Variants in AGPAT4 observed in about 807,000 individuals in gnomAD.
AGPAT4 encodes 1-acyl-sn-glycerol-3-phosphate acyltransferase delta.
Under a neutral mutation model 48.0 loss-of-function variants are expected in AGPAT4, and 15 were observed. That is an observed-to-expected ratio of 0.31 (90% CI 0.21 to 0.48). The LOEUF is 0.48. Ranked by LOEUF, AGPAT4 falls within the 20% of genes least tolerant of loss-of-function variation. The pLI, the probability that AGPAT4 is intolerant of heterozygous loss-of-function variation, is 0.99. For missense variants in AGPAT4, 314 were observed against 482.5 expected, an observed-to-expected ratio of 0.65 and a Z score of 3.27; for synonymous variants, 178 against 198.7, an observed-to-expected ratio of 0.90 and a Z score of 0.88.
intron 2 of AGPAT4, among the ~76,000 whole-genome samples, chr6:161,183,886 G>A (rs1780686682): frequency 6.6e-6 from 1 of 151,516 alleles, no homozygotes. Flanking sequence ...CATATTCAAG[G>A]ACAGCAAGGA....
intron 1 of AGPAT4, among the ~76,000 whole-genome samples, chr6:161,271,921 CT>C (rs1219166592): frequency 3.3e-5 from 5 of 152,214 alleles, no homozygotes; most frequent in African/African-American, 1.2e-4. Flanking sequence ...AGCCTGGCTG[CT>C]TTTCAGAATT....
At position 161,232,442 on chromosome 6, in the gene AGPAT4, T is replaced by C. The variant is rs1393922909; in HGVS notation, c.-89-140A>G. The C allele has an allele frequency of 2.0e-6, 1 of 509,136 alleles. No homozygotes were observed. Among genetic ancestry groups the C allele is most frequent in the African/African-American group, 1.9e-5 (1 of 52,238 alleles). The allele number at this position is 509,136 out of a possible 1,614,324, so 31.5% of individuals were successfully genotyped here. A position where few individuals can be genotyped will look rare whatever the true frequency, so the allele number is the denominator to read the frequency against. ...TTGATTTATCTTTATTTTGCAAACATTGATGTAGTGCTTACTTCCTGTCGA... is the reference window on the plus strand; with the variant it reads ...TTGATTTATCTTTATTTTGCAAACACTGATGTAGTGCTTACTTCCTGTCGA... On this transcript the variant is annotated intron_variant, in intron 1 of 8. Transcript: ENST00000320285. The surrounding 1 kb of genome is among the most constrained non-coding windows in gnomAD (Gnocchi z 6.8).
chr6:161,228,661 T>TAAAAAAAACAAAAAAAAAA (rs1782046586), intron 2 of AGPAT4, among the ~76,000 whole-genome samples: 1 of 84,090 alleles, frequency 1.2e-5, no homozygotes, highest in African/African-American at 5.6e-5. Context: ...GTCAGAGAGG[T>TAAAAAAAACAAAAAAAAAA]AAAAAAAAAA....
rs1051727068 is a variant in AGPAT4 at position 161,134,034 on chromosome 6, C to G, written c.*2506G>C. On this transcript the variant is annotated 3_prime_UTR_variant, in exon 9 of 9. Transcript: ENST00000320285. ...TCCGTCCAGGAGTACCCGTGGTTGTCTGTGTCATTAAGGGCGCAGGGTGTA... is the reference window on the plus strand; with the variant it reads ...TCCGTCCAGGAGTACCCGTGGTTGTGTGTGTCATTAAGGGCGCAGGGTGTA... The G allele has an allele frequency of 7.9e-5, 12 of 152,208 alleles. No homozygotes were observed. Among genetic ancestry groups the G allele is most frequent in the African/African-American group, 2.7e-4 (11 of 41,424 alleles). 9.4% of individuals were successfully genotyped at this position (152,208 alleles called of 1,614,324 possible).
rs1050242659 is a variant in AGPAT4 at position 161,137,866 on chromosome 6, C to G, written c.1043-1232G>C. Among the ~76,000 whole-genome samples the G allele has an allele frequency of 1.3e-5, 2 of 151,800 alleles. No individual in the cohort carries two copies. The highest frequency in any genetic ancestry group is 1.3e-4 in the Admixed American group (2 of 15,260). ...CCCCTCAGATGCTCCTGAAGACTCCCTGTGTCCATACTGCACCCCTCAGAT... is the reference window on the plus strand; with the variant it reads ...CCCCTCAGATGCTCCTGAAGACTCCGTGTGTCCATACTGCACCCCTCAGAT... On this transcript the variant is annotated intron_variant, in intron 8 of 8. Transcript: ENST00000320285. The surrounding 1 kb of genome is among the most constrained non-coding windows in gnomAD (Gnocchi z 6.1).
At chr6:161,258,663 A>G (rs1244764737) in intron 1 of AGPAT4, among the ~76,000 whole-genome samples, 1 of 151,382 alleles carries the variant, frequency 6.6e-6, no homozygotes, top group Non-Finnish European at 1.5e-5. Context: ...TCCCCACCCC[A>G]CTCCCCGCAA....
intron 3 of AGPAT4, among the ~76,000 whole-genome samples, chr6:161,163,349 T>A (rs1312248742): frequency 6.6e-6 from 1 of 152,138 alleles, no homozygotes; most frequent in East Asian, 1.9e-4. Flanking sequence ...TCCAGAAGGA[T>A]CCCAACATCA....
In AGPAT4 at chr6:161,131,040, T is replaced by TTAAC. The variant is rs1389531955; in HGVS notation, c.*5496_*5499dup. On this transcript the variant is annotated 3_prime_UTR_variant, in exon 9 of 9. Transcript: ENST00000320285. Reference sequence around the variant, plus strand: ...GCAAAGGAATTATTATGCAGCAATCTTAACTTTGTGTACATACCACTCACC... The same window carrying TTAAC: ...GCAAAGGAATTATTATGCAGCAATCTTAACTAACTTTGTGTACATACCACTCACC... The TTAAC allele has an allele frequency of 2.1e-5, 8 of 384,504 alleles. No homozygotes were observed. Among genetic ancestry groups the TTAAC allele is most frequent in the African/African-American group, 8.1e-5 (4 of 49,194 alleles). The allele number at this position is 384,504 out of a possible 1,614,324, so 23.8% of individuals were successfully genotyped here.
chr6:161,134,522 C>A lies in AGPAT4; in HGVS notation c.*2018G>T, dbSNP rs1779003401. ...TGCTTTAGGATTCTTAAAGTGTGCT[C>A]TTTTACCCTTGACACACCCCAAGAG... On this transcript the variant is annotated 3_prime_UTR_variant, in exon 9 of 9. Transcript: ENST00000320285. 6.6e-6 allele frequency: 1 copy of A among 152,158 alleles called. No homozygotes were observed. The highest frequency in any genetic ancestry group is 1.5e-5 in the Non-Finnish European group (1 of 68,032). The allele number at this position is 152,158 out of a possible 1,614,324, so 9.4% of individuals were successfully genotyped here. A position where few individuals can be genotyped will look rare whatever the true frequency, so the allele number is the denominator to read the frequency against.
At position 161,215,065 on chromosome 6, in the gene AGPAT4, T is replaced by C. The variant is rs3798934; in HGVS notation, c.178+16971A>G. Reference sequence around the variant, plus strand: ...GTAGGACTACAAGCTATGTTTTTTATGTGACATTTTAAATACTTATTTAAA... The same window carrying C: ...GTAGGACTACAAGCTATGTTTTTTACGTGACATTTTAAATACTTATTTAAA... On this transcript the variant is annotated intron_variant, in intron 2 of 8. Transcript: ENST00000320285. The surrounding 1 kb of genome is among the most constrained non-coding windows in gnomAD (Gnocchi z 4.5). Among the ~76,000 whole-genome samples the C allele has an allele frequency of 2.0e-5, 3 of 152,238 alleles. No homozygotes were observed. The East Asian group carries it at 5.8e-4, about 29-fold the overall frequency.
Position 161,155,728 on chromosome 6 carries a change from G to A in AGPAT4, c.349-1418C>T, listed in dbSNP as rs368618257. ...GGAGGCCCTATCTCCAGGGGACTCC[G>A]GGAACATCCCCGTGGGTGGGTGAAC... is the stretch of plus-strand genomic sequence containing the variant. On this transcript the variant is annotated intron_variant, in intron 3 of 8. Coordinates refer to ENST00000320285, the MANE Select transcript of AGPAT4 (RefSeq NM_020133.3). The surrounding 1 kb of genome is among the most constrained non-coding windows in gnomAD (Gnocchi z 5.8). Among the ~76,000 whole-genome samples, 127 of 152,354 alleles carry A rather than the reference G, an allele frequency of 8.3e-4. No homozygotes were observed. Among genetic ancestry groups the A allele is most frequent in the African/African-American group, 2.9e-3 (119 of 41,582 alleles).
intron 2 of AGPAT4, among the ~76,000 whole-genome samples, chr6:161,182,633 G>A (rs911768344): frequency 1.3e-5 from 2 of 152,258 alleles, no homozygotes; most frequent in African/African-American, 4.8e-5. Flanking sequence ...GCTCTCTGGA[G>A]CTCATGGGTA....
At chr6:161,182,363 C>T (rs1333219166) in intron 2 of AGPAT4, among the ~76,000 whole-genome samples, 2 of 142,718 alleles carry the variant, frequency 1.4e-5, no homozygotes, top group Non-Finnish European at 3.1e-5. Context: ...CCCAGCCCTG[C>T]ATCCCAGCCT....
Position 161,225,305 on chromosome 6 carries a change from C to A in AGPAT4, c.178+6731G>T, listed in dbSNP as rs1258579546. On this transcript the variant is annotated intron_variant, in intron 2 of 8. Transcript: ENST00000320285. This position sits in a 1 kb window ranked among gnomAD's most constrained non-coding sequence, Gnocchi z 5.0. The stretch of plus-strand genomic sequence containing the variant: ...ATTAGTTTAACCTGTGCAGTCTAAC[C>A]CTAGCCAATAGGGGAAGGACACAGC... Among the ~76,000 whole-genome samples the A allele has an allele frequency of 6.6e-6, 1 of 152,178 alleles. No homozygotes were observed. Among genetic ancestry groups the A allele is most frequent in the Non-Finnish European group, 1.5e-5 (1 of 68,040 alleles).
rs1783464180 is a variant in AGPAT4 at position 161,272,721 on chromosome 6, C to A, written c.-90+1217G>T. The stretch of plus-strand genomic sequence containing the variant: ...ATTTCCCTAAACACACACACACACA[C>A]ACACACACACAAACACACACATTCT... On this transcript the variant is annotated intron_variant, in intron 1 of 8. Transcript: ENST00000320285. This position sits in a 1 kb window ranked among gnomAD's most constrained non-coding sequence, Gnocchi z 4.2. Among the ~76,000 whole-genome samples, 1 of 151,692 alleles carries A rather than the reference C, an allele frequency of 6.6e-6. No individual in the cohort carries two copies. Among genetic ancestry groups the A allele is most frequent in the Non-Finnish European group, 1.5e-5 (1 of 67,970 alleles).
rs1354585858 is a variant in AGPAT4, at chr6:161,217,589, G to C, written c.178+14447C>G. Among the ~76,000 whole-genome samples the C allele has an allele frequency of 2.0e-5, 3 of 152,210 alleles. No individual in the cohort carries two copies. The East Asian group carries it at 5.8e-4, about 29-fold the overall frequency. On this transcript the variant is annotated intron_variant, in intron 2 of 8. Coordinates refer to ENST00000320285, the MANE Select transcript of AGPAT4 (RefSeq NM_020133.3). The surrounding 1 kb of genome is among the most constrained non-coding windows in gnomAD (Gnocchi z 4.9). ...CACTAATCATGTTCAGCTCTAGTTG[G>C]AGACATAGGTATATATAATCTGTTC...
chr6:161,190,639 A>T (rs2115000819), intron 2 of AGPAT4, among the ~76,000 whole-genome samples: 1 of 152,048 alleles, frequency 6.6e-6, no homozygotes, highest in East Asian at 1.9e-4. Context: ...TCAAAGGAGT[A>T]GAAAGATTCT....
At chr6:161,230,453 GACCA>G (rs1308427786) in intron 2 of AGPAT4, among the ~76,000 whole-genome samples, 1 of 152,166 alleles carries the variant, frequency 6.6e-6, no homozygotes, top group African/African-American at 2.4e-5. Flanking sequence ...CTTAAATAGA[GACCA>G]ACTGCTAGAG....
Position 161,238,083 on chromosome 6 carries a change from G to T in AGPAT4, c.-89-5781C>A, listed in dbSNP as rs1016061948. On this transcript the variant is annotated intron_variant, in intron 1 of 8. Transcript: ENST00000320285. The surrounding 1 kb of genome is among the most constrained non-coding windows in gnomAD (Gnocchi z 5.2). ...GGCTGGGGGTGGGGGGGTAATGGGG[G>T]GGTTGGGGGGCGGGAGGCAGAATGC... 6.7e-6 allele frequency among the ~76,000 whole-genome samples: 1 copy of T among 148,406 alleles called. No homozygotes were observed. Among genetic ancestry groups the T allele is most frequent in the African/African-American group, 2.5e-5 (1 of 40,340 alleles).
Sources: gnomAD v4.1 joint callset for allele counts (sites outside exome capture counted in the v4.1 genomes callset) on GRCh38, gnomAD v4.1.1 for gene constraint, Gnocchi (gnomAD v3.1) non-coding constraint, MANE v1.5 for transcripts, NCBI Gene and HGNC (gene_info 2026-07-23, HGNC 2026-07-21) for gene names.